FLNB: variants seen among roughly 807,000 people sequenced by gnomAD.
FLNB encodes the protein filamin B, also known as filamin-B.
In FLNB, 111 loss-of-function variants were observed where a neutral mutation model predicts 250.6. The ratio of observed to expected loss-of-function variants is 0.44; its 90% confidence interval spans 0.38 to 0.52. The LOEUF (loss-of-function observed/expected upper bound fraction) is 0.52, where lower values mean the gene tolerates loss of function less well. Ranked by LOEUF, FLNB falls within the 20% of genes least tolerant of loss-of-function variation. The pLI is 0.00. For synonymous variants in FLNB, 1,302 were observed against 1,372.1 expected, an observed-to-expected ratio of 0.95 and a Z score of 1.13; for missense variants, 2,869 against 3,447.8, an observed-to-expected ratio of 0.83 and a Z score of 4.20.
At chr3:58,165,326 C>CTT (rs2097368562) in intron 43 of FLNB, 1 of 152,282 alleles carries the variant, frequency 6.6e-6, no homozygotes, top group Non-Finnish European at 1.5e-5. Flanking sequence ...AGGAGTTGCT[C>CTT]TTGCAGGGAA....
At chr3:58,027,531 C>T (rs563447688) in intron 1 of FLNB, among the ~76,000 whole-genome samples, 226 of 152,294 alleles carry the variant, frequency 1.5e-3, no homozygotes, top group African/African-American at 5.3e-3. Context: ...ATCTGCCCAC[C>T]TCGGCCTCCC....
At chr3:58,167,137 A>G (rs2097372055) in intron 43 of FLNB, among the ~76,000 whole-genome samples, 2 of 152,194 alleles carry the variant, frequency 1.3e-5, no homozygotes, top group South Asian at 4.1e-4. Context: ...CAATCAATCA[A>G]TCAATAAAAT....
chr3:58,076,427 C>T (rs1243819358), intron 1 of FLNB, among the ~76,000 whole-genome samples: 1 of 152,126 alleles, frequency 6.6e-6, no homozygotes, highest in Non-Finnish European at 1.5e-5. Flanking sequence ...GATGCAGTCA[C>T]TCCTTTTTGT....
intron 1 of FLNB, among the ~76,000 whole-genome samples, chr3:58,035,731 G>A (rs1280765859): frequency 2.6e-5 from 4 of 152,192 alleles, no homozygotes; most frequent in Non-Finnish European, 5.9e-5. Context: ...GTTCTGCTAG[G>A]AGGAAAGTGG....
At chr3:58,056,750 C>T (rs1455903505) in intron 1 of FLNB, among the ~76,000 whole-genome samples, 4 of 151,782 alleles carry the variant, frequency 2.6e-5, no homozygotes, top group African/African-American at 4.8e-5. Context: ...TCCACCATAC[C>T]CAGCTAATTT....
intron 20 of FLNB, 43 bp from the exon 21 acceptor site, chr3:58,123,050 C>G (rs1424819667): frequency 6.5e-7 from 1 of 1,543,930 alleles, no homozygotes. Flanking sequence ...GCTGGCTGAG[C>G]AGCGATCCCA....
At chr3:58,030,540 T>G (rs947046611) in intron 1 of FLNB, among the ~76,000 whole-genome samples, 1 of 146,748 alleles carries the variant, frequency 6.8e-6, no homozygotes, top group Non-Finnish European at 1.5e-5. Flanking sequence ...TTGAGGCCCA[T>G]GGGTCCTATC....
At chr3:58,065,493 GGCCTCTGTTATGTCATCT>G in intron 1 of FLNB, among the ~76,000 whole-genome samples, 1 of 152,324 alleles carries the variant, frequency 6.6e-6, no homozygotes, top group South Asian at 2.1e-4. Context: ...CACCTCTGTG[GGCCTCTGTTATGTCATCT>G]GTAAAATGGG....
At chr3:58,137,754 C>G (rs565412795) in intron 28 of FLNB, among the ~76,000 whole-genome samples, 1 of 152,222 alleles carries the variant, frequency 6.6e-6, no homozygotes, top group Non-Finnish European at 1.5e-5. Flanking sequence ...CTTTAGGAAG[C>G]CCTTTGTCAG....
chr3:58,031,826 G>A (rs1473672368), intron 1 of FLNB, among the ~76,000 whole-genome samples: 1 of 151,770 alleles, frequency 6.6e-6, no homozygotes, highest in African/African-American at 2.4e-5. Flanking sequence ...CTATAGACGT[G>A]AACCACTGCA....
In FLNB at chr3:58,126,701, C is replaced by T. The variant is rs2107188060; in HGVS notation, c.4161C>T (p.Tyr1387=). 1 of 1,613,990 alleles carries T rather than the reference C, an allele frequency of 6.2e-7. No homozygotes were observed. The highest frequency in any genetic ancestry group is 8.5e-7 in the Non-Finnish European group (1 of 1,179,852). The change falls in exon 24 of 46, where the codon TAC becomes TAT. Residue 1387 remains tyrosine (Y), a synonymous_variant. Coordinates refer to ENST00000295956, the MANE Select transcript of FLNB (RefSeq NM_001457.4). ...AGGATGGCAGCTGCAGTGCTGAGTACATTCCTTTCGCACCGGGGGATTACG... is the reference window on the plus strand; with the variant it reads ...AGGATGGCAGCTGCAGTGCTGAGTATATTCCTTTCGCACCGGGGGATTACG... ...DNKDGSCSAE[Y]IPFAPGDYDV... is the part of the protein sequence containing the mutation.
chr3:58,076,214 A>G (rs1002621771), intron 1 of FLNB, among the ~76,000 whole-genome samples: 1 of 152,242 alleles, frequency 6.6e-6, no homozygotes, highest in African/African-American at 2.4e-5. Flanking sequence ...ATAGATAGGA[A>G]TGTAAACAGA....
intron 8 of FLNB, 52 bp from the exon 9 acceptor site, chr3:58,102,151 G>T: frequency 1.2e-6 from 2 of 1,611,076 alleles, no homozygotes; most frequent in South Asian, 2.2e-5. Context: ...TGGCTTTCAC[G>T]ACTCTGACTA....
rs1244015712 is a variant in FLNB at position 58,169,573 on chromosome 3, T to C, written c.7418-17T>C. ...ATCTGGCCATTCATGCCTGTCCCCC[T>C]CCCTCCTGTATCTTAGGCCAGCGTC... On this transcript the variant is annotated splice_polypyrimidine_tract_variant and intron_variant, in intron 44 of 45. Coordinates refer to ENST00000295956, the MANE Select transcript of FLNB (RefSeq NM_001457.4). The surrounding 1 kb of genome is among the most constrained non-coding windows in gnomAD (Gnocchi z 4.8). 2 of 1,607,964 alleles carry C rather than the reference T, an allele frequency of 1.2e-6. No homozygotes were observed. Among genetic ancestry groups the C allele is most frequent in the Non-Finnish European group, 1.7e-6 (2 of 1,174,352 alleles).
chr3:58,012,893 T>A (rs910679213), intron 1 of FLNB, among the ~76,000 whole-genome samples: 1 of 152,210 alleles, frequency 6.6e-6, no homozygotes, highest in Non-Finnish European at 1.5e-5. Context: ...AGATAGGTGG[T>A]GTTTCAACAG....
At chr3:58,047,452 A>G (rs1017606094) in intron 1 of FLNB, among the ~76,000 whole-genome samples, 1 of 152,184 alleles carries the variant, frequency 6.6e-6, no homozygotes, top group Admixed American at 6.5e-5. Context: ...TCTTATAGAT[A>G]GTATGAAAGA....
rs112438418 is a variant in FLNB, at chr3:58,146,658, C to T, written c.5555-162C>T. On this transcript the variant is annotated intron_variant, in intron 33 of 45. Coordinates refer to ENST00000295956, the MANE Select transcript of FLNB (RefSeq NM_001457.4). ...TCAGTGGGTGTTTTTACTGCGTGGA[C>T]TGCTTCATTCTGACAGATGTCCCTT... 3.9e-5 allele frequency: 28 copies of T among 714,550 alleles called. No individual in the cohort carries two copies. In the African/African-American group the frequency reaches 4.6e-4, roughly 12 times the overall value. The allele number at this position is 714,550 out of a possible 1,614,324, so 44.3% of individuals were successfully genotyped here. A position where few individuals can be genotyped will look rare whatever the true frequency, so the allele number is the denominator to read the frequency against.
intron 18 of FLNB, among the ~76,000 whole-genome samples, chr3:58,117,869 T>G (rs773065498): frequency 6.6e-6 from 1 of 151,092 alleles, no homozygotes; most frequent in Non-Finnish European, 1.5e-5. Context: ...GGCCAAATGC[T>G]ACACCCTTTT....
At chr3:58,156,126 C>T (rs755464049) in intron 41 of FLNB, 51 bp downstream of exon 41, 1 of 1,361,240 alleles carries the variant, frequency 7.3e-7, no homozygotes, top group Non-Finnish European at 1.1e-6. Flanking sequence ...ACCAGTGAGA[C>T]CCCTGGACTC....
Sources: gnomAD v4.1 joint callset for allele counts (sites outside exome capture counted in the v4.1 genomes callset) on GRCh38, gnomAD v4.1.1 for gene constraint, Gnocchi (gnomAD v3.1) non-coding constraint, MANE v1.5 for transcripts, NCBI Gene and HGNC (gene_info 2026-07-23, HGNC 2026-07-21) for gene names.